SHANK2: variants seen among roughly 807,000 people sequenced by gnomAD.
SHANK2 encodes the protein SH3 and multiple ankyrin repeat domains protein 2.
In SHANK2, 43 loss-of-function variants were observed where a neutral mutation model predicts 133.7. That is an observed-to-expected ratio of 0.32 (90% CI 0.25 to 0.41). The LOEUF is 0.41. Among genes scored for constraint, SHANK2 ranks in the 10% least tolerant of loss-of-function variants. The pLI is 1.00. For synonymous variants in SHANK2, 1,017 were observed against 952.8 expected (o/e 1.07, Z -1.24); for missense variants, 1,994 against 2,235.8 (o/e 0.89, Z 2.18).
chr11:71,085,582 A>AT (rs1951371569), intron 8 of SHANK2, among the ~76,000 whole-genome samples: 1 of 34,928 alleles, frequency 2.9e-5, no homozygotes, highest in Non-Finnish European at 5.5e-5. Flanking sequence ...ATATTATATA[A>AT]TATATTATAT....
rs554626260 is a variant in SHANK2, at chr11:70,733,376, C to CCTA, written c.1778-34614_1778-34613insTAG. 4.6e-4 allele frequency among the ~76,000 whole-genome samples: 70 copies of CCTA among 152,342 alleles called. 1 individual carries two copies. In the South Asian group the frequency reaches 5.4e-3, roughly 12 times the overall value. The stretch of plus-strand genomic sequence containing the variant: ...GATACAGAATGTCTCATTCAATGCA[C>CCTA]ATATTAGCCCTGTGTGGTGGGTACA... On this transcript the variant is annotated intron_variant, in intron 14 of 25. Transcript: ENST00000601538.
intron 14 of SHANK2, among the ~76,000 whole-genome samples, chr11:70,745,212 CT>C (rs1202059050): frequency 6.6e-6 from 1 of 152,262 alleles, no homozygotes; most frequent in Non-Finnish European, 1.5e-5. Flanking sequence ...CCCCGCCTTT[CT>C]CTGCTACAAA....
At chr11:70,752,705 C>CAAAA (rs530096112) in intron 14 of SHANK2, among the ~76,000 whole-genome samples, 1 of 103,888 alleles carries the variant, frequency 9.6e-6, no homozygotes, top group Non-Finnish European at 1.9e-5. Context: ...GACTCCGTCT[C>CAAAA]AAAAAAAAAA....
chr11:70,874,457 C>A (rs558926715), intron 11 of SHANK2, among the ~76,000 whole-genome samples: 2 of 152,172 alleles, frequency 1.3e-5, no homozygotes, highest in Non-Finnish European at 2.9e-5. Context: ...ACCCTCCTGC[C>A]TCAGCCTCCT....
intron 2 of SHANK2, among the ~76,000 whole-genome samples, chr11:71,197,281 C>G (rs1591010517): frequency 6.6e-6 from 1 of 151,252 alleles, no homozygotes; most frequent in East Asian, 1.9e-4. Flanking sequence ...GCTGGGCCCT[C>G]CCGGGTGGGG....
intron 17 of SHANK2, among the ~76,000 whole-genome samples, chr11:70,632,844 C>T (rs1555002714): frequency 6.6e-6 from 1 of 152,088 alleles, no homozygotes; most frequent in Non-Finnish European, 1.5e-5. Flanking sequence ...TAGACAGGAC[C>T]AGAGGGAGGA....
Position 71,092,554 on chromosome 11 carries a change from T to A in SHANK2, c.780A>T (p.Lys260Asn), listed in dbSNP as rs1951537705. 1 of 1,551,970 alleles carries A rather than the reference T, an allele frequency of 6.4e-7. No homozygotes were observed. The highest frequency in any genetic ancestry group is 1.4e-5 in the African/African-American group (1 of 73,132). Residue 260 changes from lysine (K) to asparagine (N), a missense_variant, in exon 8 of 26, where the codon AAA becomes AAT. Physicochemically the swap from Lys to Asn is moderately conservative, Grantham distance 94 (BLOSUM62 0). Around this residue, in one of 5 missense-constraint regions of SHANK2, gnomAD observed 653 missense variants for 563.4 expected, o/e 1.16. Transcript: ENST00000601538. ...ACAGCGGGGTGAGGCCGTAACTGTC[T>A]TTATAATCTGGGGATGCACCAAGCT... ...LLELGASPDY[K>N]DSYGLTPLYH...
intron 2 of SHANK2, among the ~76,000 whole-genome samples, chr11:71,206,068 G>A (rs1017107341): frequency 1.9e-4 from 29 of 152,222 alleles, no homozygotes; most frequent in African/African-American, 7.0e-4. Flanking sequence ...AACCCTCCAC[G>A]TTTCCTAAAG....
chr11:70,546,559 G>T (rs1356960346), intron 17 of SHANK2, among the ~76,000 whole-genome samples: 1 of 152,118 alleles, frequency 6.6e-6, no homozygotes, highest in Non-Finnish European at 1.5e-5. Flanking sequence ...TTGCCTCATT[G>T]GTCAGTCTTT....
chr11:71,066,273 CCA>C (rs1951062043), intron 9 of SHANK2, among the ~76,000 whole-genome samples: 20 of 42,818 alleles, frequency 4.7e-4, no homozygotes, highest in South Asian at 1.3e-3. Context: ...CAGAACTCTC[CCA>C]CGAAGATGAG....
intron 15 of SHANK2, among the ~76,000 whole-genome samples, chr11:70,690,488 G>GTTTTTTTTTTTTTTTTTTTTTTT (rs35737323): frequency 9.1e-5 from 3 of 32,816 alleles, no homozygotes; most frequent in African/African-American, 1.2e-4. Flanking sequence ...TACTTCCCAT[G>GTTTTTTTTTTTTTTTTTTTTTTT]TTTTTTTTTT....
intron 14 of SHANK2, among the ~76,000 whole-genome samples, chr11:70,764,870 C>T (rs1555041022): frequency 6.6e-6 from 1 of 151,614 alleles, no homozygotes; most frequent in Non-Finnish European, 1.5e-5. Flanking sequence ...CAGTTGGTCA[C>T]ATATTTATTA....
intron 14 of SHANK2, among the ~76,000 whole-genome samples, chr11:70,746,825 G>C (rs1303672048): frequency 8.6e-5 from 13 of 151,984 alleles, no homozygotes; most frequent in African/African-American, 2.7e-4. Flanking sequence ...CTGGGGGAGG[G>C]CTCTGCCCTA....
intron 10 of SHANK2, among the ~76,000 whole-genome samples, chr11:70,949,254 C>T (rs897993995): frequency 6.6e-5 from 10 of 152,252 alleles, no homozygotes; most frequent in African/African-American, 2.2e-4. Flanking sequence ...TACCGCCCCT[C>T]CCGGCTCCGC....
intron 2 of SHANK2, among the ~76,000 whole-genome samples, chr11:71,174,459 A>G (rs982556441): frequency 2.6e-5 from 4 of 152,072 alleles, no homozygotes; most frequent in Non-Finnish European, 5.9e-5. Context: ...AGGCAGGCGG[A>G]TCACGAGGTC....
chr11:70,852,839 T>A (rs1949108549), intron 11 of SHANK2, among the ~76,000 whole-genome samples: 1 of 152,148 alleles, frequency 6.6e-6, no homozygotes, highest in Admixed American at 6.5e-5. Flanking sequence ...CAAGACTCTG[T>A]CTCAATCAAT....
intron 1 of SHANK2, among the ~76,000 whole-genome samples, chr11:71,232,970 A>G (rs1261749077): frequency 6.6e-6 from 1 of 152,120 alleles, no homozygotes; most frequent in South Asian, 2.1e-4. Context: ...AGAGGCAGCA[A>G]TTTCACTCCT....
chr11:71,086,546 T>C (rs1433901210), intron 8 of SHANK2, among the ~76,000 whole-genome samples: 1 of 143,526 alleles, frequency 7.0e-6, no homozygotes, highest in East Asian at 2.0e-4. Flanking sequence ...ATAAATATAT[T>C]ATATATAATA....
chr11:70,666,501 C>T (rs1452637585), intron 15 of SHANK2, among the ~76,000 whole-genome samples: 8 of 152,148 alleles, frequency 5.3e-5, no homozygotes, highest in Non-Finnish European at 1.0e-4. Context: ...ATGACAGCTG[C>T]GGCTGGGTCC....
Sources: allele counts gnomAD v4.1 joint callset (sites outside exome capture counted in the v4.1 genomes callset), GRCh38; gene constraint gnomAD v4.1.1; regional missense constraint gnomAD v4.1.1; transcripts MANE v1.5; gene names NCBI Gene and HGNC (gene_info 2026-07-23, HGNC 2026-07-21).